Variants in RNF228 observed in about 807,000 individuals in gnomAD.
The protein encoded by RNF228 is ring finger protein 228.
At chr2:222,317,195 C>A in the RNF228 span, 2 of 152,148 alleles carry the variant, frequency 1.3e-5, no homozygotes, top group East Asian at 3.8e-4. Flanking sequence ...AAGTGCCACA[C>A]AAATAATGGA....
chr2:222,318,431 C>G, the RNF228 span: 2 of 152,284 alleles, frequency 1.3e-5, no homozygotes, highest in African/African-American at 4.8e-5. Flanking sequence ...GAGTGTCCGT[C>G]ACTCTCAGCG....
the RNF228 span, chr2:222,319,053 CCCGCCGCAGCCCGTGCCCTCGGGCCG>C: frequency 6.2e-6 from 1 of 162,440 alleles, no homozygotes; most frequent in Non-Finnish European, 1.3e-5. The surrounding 1 kb of genome is among the most constrained non-coding windows in gnomAD (Gnocchi z 7.6). Context: ...CCGCGCGCCG[CCCGCCGCAGCCCGTGCCCTCGGGCCG>C]CCGCCGCCGC....
chr2:222,319,370 G>C, the RNF228 span: 3 of 332,242 alleles, frequency 9.0e-6, no homozygotes, highest in Non-Finnish European at 1.6e-5. This position sits in a 1 kb window ranked among gnomAD's most constrained non-coding sequence, Gnocchi z 7.6. Context: ...CGCAGCCAGC[G>C]GTGAGCGCCG....
At chr2:222,314,321 G>A in the RNF228 span, among the ~76,000 whole-genome samples, 3 of 152,166 alleles carry the variant, frequency 2.0e-5, no homozygotes, top group African/African-American at 7.2e-5. Context: ...ATCTTATATG[G>A]AAAATCAAAA....
chr2:222,318,934 G>T, the RNF228 span: 3,207 of 152,532 alleles, frequency 0.021, 107 homozygotes, highest in African/African-American at 0.073. Flanking sequence ...GCAGGGAGAG[G>T]GTGCAGAAGC....
chr2:222,317,269 T>C, the RNF228 span: 1 of 152,214 alleles, frequency 6.6e-6, no homozygotes, highest in South Asian at 2.1e-4. Flanking sequence ...CTTGTTTTTA[T>C]TATTAAGACA....
At chr2:222,315,002 C>T in the RNF228 span, among the ~76,000 whole-genome samples, 30 of 151,948 alleles carry the variant, frequency 2.0e-4, no homozygotes, top group East Asian at 1.2e-3. Flanking sequence ...CGGTTCCTAT[C>T]GCTGAATATA....
At chr2:222,317,897 T>C in the RNF228 span, 132 of 152,246 alleles carry the variant, frequency 8.7e-4, 1 homozygote, top group African/African-American at 2.9e-3. Context: ...CAACAGGCTT[T>C]TATTTTCTGC....
At chr2:222,315,881 T>C in the RNF228 span, among the ~76,000 whole-genome samples, 98 of 152,272 alleles carry the variant, frequency 6.4e-4, no homozygotes, top group African/African-American at 2.3e-3. Flanking sequence ...AGCATGATGA[T>C]GAGTCTAACC....
chr2:222,314,501 CAT>C, the RNF228 span, among the ~76,000 whole-genome samples: 1 of 152,180 alleles, frequency 6.6e-6, no homozygotes, highest in Non-Finnish European at 1.5e-5. Context: ...CAATAAAAAA[CAT>C]ATGATTTCAA....
chr2:222,314,478 A>T, the RNF228 span, among the ~76,000 whole-genome samples: 1 of 152,280 alleles, frequency 6.6e-6, no homozygotes, highest in Admixed American at 6.5e-5. Flanking sequence ...ACAAACTTGC[A>T]CTATAACAAA....
chr2:222,319,769 AGCG>A, the RNF228 span, among the ~76,000 whole-genome samples: 3 of 140,398 alleles, frequency 2.1e-5, no homozygotes, highest in Non-Finnish European at 3.1e-5. This position sits in a 1 kb window ranked among gnomAD's most constrained non-coding sequence, Gnocchi z 7.6. Context: ...GCGCGGCGGC[AGCG>A]GCGGCGGCGG....
the RNF228 span, among the ~76,000 whole-genome samples, chr2:222,316,214 G>A: frequency 3.9e-5 from 6 of 152,216 alleles, no homozygotes; most frequent in Non-Finnish European, 7.3e-5. Flanking sequence ...AGAGAGGGGA[G>A]AGAGACCTGA....
chr2:222,315,907 T>C, the RNF228 span, among the ~76,000 whole-genome samples: 3 of 152,154 alleles, frequency 2.0e-5, no homozygotes, highest in Non-Finnish European at 4.4e-5. Context: ...CCCTAGAACC[T>C]AGGCAGAATG....
the RNF228 span, among the ~76,000 whole-genome samples, chr2:222,314,576 C>T: frequency 1.3e-5 from 2 of 152,154 alleles, no homozygotes; most frequent in Non-Finnish European, 2.9e-5. Flanking sequence ...TGAATTTCAT[C>T]ATCTTTGTAT....
At chr2:222,315,471 C>T in the RNF228 span, among the ~76,000 whole-genome samples, 5 of 152,146 alleles carry the variant, frequency 3.3e-5, no homozygotes, top group African/African-American at 1.2e-4. Context: ...CCAGGGCAGA[C>T]CTCTCTGGGG....
chr2:222,316,199 A>C, the RNF228 span, among the ~76,000 whole-genome samples: 1 of 152,230 alleles, frequency 6.6e-6, no homozygotes. Context: ...CAATCTGCTG[A>C]ATGGAGAGAG....
chr2:222,314,972 A>G, the RNF228 span, among the ~76,000 whole-genome samples: 13 of 152,328 alleles, frequency 8.5e-5, no homozygotes, highest in Middle Eastern at 0.017. Context: ...TGGAGGCCAA[A>G]TGTCCTTTAG....
At chr2:222,316,704 A>G in the RNF228 span, among the ~76,000 whole-genome samples, 16 of 152,364 alleles carry the variant, frequency 1.1e-4, no homozygotes, top group African/African-American at 3.8e-4. Flanking sequence ...TATTTTATAC[A>G]TAATATATCT....
Sources: allele counts gnomAD v4.1 joint callset (sites outside exome capture counted in the v4.1 genomes callset), GRCh38; gene constraint gnomAD v4.1.1; non-coding constraint Gnocchi (gnomAD v3.1); transcripts MANE v1.5; gene names NCBI Gene and HGNC (gene_info 2026-07-23, HGNC 2026-07-21).